Variants in TMEM144 observed in about 807,000 individuals in gnomAD.
TMEM144 encodes the protein transmembrane protein 144.
Under a neutral mutation model 43.6 loss-of-function variants are expected in TMEM144, and 39 were observed. The observed-to-expected ratio is 0.90, with a 90% confidence interval of 0.69 to 1.17. The LOEUF (loss-of-function observed/expected upper bound fraction) is 1.17, where lower values mean the gene tolerates loss of function less well. TMEM144 is among the 50% of genes most tolerant of loss of function. The pLI, the probability that TMEM144 is intolerant of heterozygous loss-of-function variation, is 0.00. For synonymous variants in TMEM144, 154 were observed against 133.6 expected (o/e 1.15, Z -1.06); for missense variants, 417 against 411.9 (o/e 1.01, Z -0.11).
chr4:158,214,024 CTTTTTAT>C (rs1401558660), intron 3 of TMEM144: 6 of 152,094 alleles, frequency 3.9e-5, no homozygotes, highest in Non-Finnish European at 1.5e-5. Flanking sequence ...TGATTCTACT[CTTTTTAT>C]TTTTTATTTT....
chr4:158,221,947 T>C (rs1007565869), intron 6 of TMEM144, among the ~76,000 whole-genome samples: 1 of 152,220 alleles, frequency 6.6e-6, no homozygotes, highest in East Asian at 1.9e-4. Context: ...GAATTACTTT[T>C]CTTACTGGAC....
Position 158,220,150 on chromosome 4 carries a change from T to G in TMEM144, c.413+760T>G, listed in dbSNP as rs553166339. On this transcript the variant is annotated intron_variant, in intron 6 of 12. Coordinates refer to ENST00000296529, the MANE Select transcript of TMEM144 (RefSeq NM_018342.5). ...TAGGGAAAGAACAGTATATTTGCCT[T>G]CCTTCAGCAATGATGGCTTTTCCCC... is the stretch of plus-strand genomic sequence containing the variant. Among the ~76,000 whole-genome samples, 4 of 152,336 alleles carry G rather than the reference T, an allele frequency of 2.6e-5. No individual in the cohort carries two copies. In the South Asian group the frequency reaches 8.3e-4, roughly 32 times the overall value.
intron 6 of TMEM144, among the ~76,000 whole-genome samples, chr4:158,231,434 G>A (rs908930693): frequency 6.6e-6 from 1 of 151,988 alleles, no homozygotes; most frequent in African/African-American, 2.4e-5. Context: ...CGTAATTTGG[G>A]GTATCATTTT....
At chr4:158,245,256 GTGTGTGTA>G (rs780793039) in intron 12 of TMEM144, among the ~76,000 whole-genome samples, 10,670 of 95,632 alleles carry the variant, frequency 0.11, 602 homozygotes, top group African/African-American at 0.26. Flanking sequence ...GTGTGTGTGT[GTGTGTGTA>G]TGTATGTTTT....
chr4:158,210,720 C>A (rs1733915658), intron 1 of TMEM144, 134 bp downstream of exon 1: 2 of 152,182 alleles, frequency 1.3e-5, no homozygotes, highest in South Asian at 4.1e-4. Flanking sequence ...TTAATTTTAG[C>A]CCAAAGACAG....
In TMEM144 at chr4:158,217,485, T is replaced by C. The variant is rs1055415945; in HGVS notation, c.332+65T>C. On this transcript the variant is annotated intron_variant, in intron 5 of 12. Coordinates refer to ENST00000296529, the MANE Select transcript of TMEM144 (RefSeq NM_018342.5). The stretch of plus-strand genomic sequence containing the variant: ...TCCATATTCTATGTAAAGCAAGTGA[T>C]TACCGAGAGGAATAACATATGATTC... 16 of 1,147,458 alleles carry C rather than the reference T, an allele frequency of 1.4e-5. No homozygotes were observed. The South Asian group carries it at 1.9e-4, about 14-fold the overall frequency. 71.1% of individuals were successfully genotyped at this position (1,147,458 alleles called of 1,614,324 possible).
chr4:158,253,404 C>G, intron 12 of TMEM144, 40 bp from the exon 13 acceptor site: 3 of 1,507,244 alleles, frequency 2.0e-6, no homozygotes, highest in Non-Finnish European at 2.8e-6. Flanking sequence ...GTAATTGATT[C>G]AGGCCTTATT....
At chr4:158,237,814 A>G (rs1302499477) in intron 9 of TMEM144, among the ~76,000 whole-genome samples, 171 bp downstream of exon 9, 3 of 152,212 alleles carry the variant, frequency 2.0e-5, no homozygotes, top group Non-Finnish European at 4.4e-5. Flanking sequence ...GCATTTTCAT[A>G]TGATCTTTAA....
intron 11 of TMEM144, 31 bp from the exon 12 acceptor site, chr4:158,244,264 CA>C: frequency 6.8e-7 from 1 of 1,466,450 alleles, no homozygotes; most frequent in Non-Finnish European, 9.3e-7. Flanking sequence ...GGTAAATATC[CA>C]ATTTAATTAA....
intron 9 of TMEM144, among the ~76,000 whole-genome samples, chr4:158,238,259 A>T (rs1394026133): frequency 6.6e-6 from 1 of 152,226 alleles, no homozygotes; most frequent in Admixed American, 6.5e-5. Flanking sequence ...AGAGAATAAG[A>T]TCATTCATAA....
At position 158,240,373 on chromosome 4, in the gene TMEM144, G is replaced by C; in HGVS notation, c.757G>C (p.Ala253Pro). Residue 253 changes from alanine (A) to proline (P), a missense_variant, in exon 10 of 13, where the codon GCC (alanine) becomes CCC (proline). Coordinates refer to ENST00000296529, the MANE Select transcript of TMEM144 (RefSeq NM_018342.5). ...TGTCTACTTTCTGGCCTACTGCATAGCCATGAAAAATAGTCCTAAACTATA... is the reference window on the plus strand; with the variant it reads ...TGTCTACTTTCTGGCCTACTGCATACCCATGAAAAATAGTCCTAAACTATA... ...STVYFLAYCI[A>P]MKNSPKLYPE... 1.2e-6 allele frequency: 2 copies of C among 1,613,796 alleles called. No individual in the cohort carries two copies. Among genetic ancestry groups the C allele is most frequent in the Non-Finnish European group, 1.7e-6 (2 of 1,179,902 alleles).
chr4:158,243,549 T>A (rs1361689388), intron 11 of TMEM144, among the ~76,000 whole-genome samples: 2 of 152,180 alleles, frequency 1.3e-5, no homozygotes, highest in Non-Finnish European at 2.9e-5. Context: ...CTAGCCCGCA[T>A]TCCAATTTTC....
intron 9 of TMEM144, 122 bp from the exon 10 acceptor site, chr4:158,240,177 G>T (rs926380320): frequency 3.4e-6 from 4 of 1,181,330 alleles, no homozygotes; most frequent in Middle Eastern, 2.5e-4. Flanking sequence ...GAGCCACTGC[G>T]CTCTGCCTAA....
At chr4:158,225,154 AG>A (rs1244730868) in intron 6 of TMEM144, among the ~76,000 whole-genome samples, 6 of 152,228 alleles carry the variant, frequency 3.9e-5, no homozygotes, top group Non-Finnish European at 8.8e-5. Context: ...TTGTGCTAAC[AG>A]GGCCATTGCT....
rs541123997 is a variant in TMEM144 at position 158,225,211 on chromosome 4, A to C, written c.413+5821A>C. Reference sequence around the variant, plus strand: ...GGGCCAGCCTTTGGAAACCCTGTCTAGTTGTTTTTTTTAGAGATAGGCCAC... The same window carrying C: ...GGGCCAGCCTTTGGAAACCCTGTCTCGTTGTTTTTTTTAGAGATAGGCCAC... On this transcript the variant is annotated intron_variant, in intron 6 of 12. Coordinates refer to ENST00000296529, the MANE Select transcript of TMEM144 (RefSeq NM_018342.5). Among the ~76,000 whole-genome samples the C allele has an allele frequency of 4.6e-5, 7 of 152,288 alleles. No individual in the cohort carries two copies. The South Asian group carries it at 1.5e-3, about 32-fold the overall frequency.
At chr4:158,246,343 T>C (rs1336744931) in intron 12 of TMEM144, among the ~76,000 whole-genome samples, 2 of 152,198 alleles carry the variant, frequency 1.3e-5, no homozygotes, top group Non-Finnish European at 2.9e-5. Flanking sequence ...GAGATTGATG[T>C]TGCTAATCTC....
chr4:158,235,591 G>A, intron 8 of TMEM144, 86 bp downstream of exon 8: 3 of 1,341,408 alleles, frequency 2.2e-6, no homozygotes, highest in Non-Finnish European at 3.0e-6. Context: ...ATGTTCATCT[G>A]AGTTCAAGAA....
chr4:158,249,934 T>TGTGTA, intron 12 of TMEM144, among the ~76,000 whole-genome samples: 1 of 87,814 alleles, frequency 1.1e-5, no homozygotes, highest in African/African-American at 3.8e-5. Flanking sequence ...GTGTGTGTGT[T>TGTGTA]TAAATAAGCT....
At chr4:158,236,679 T>C (rs1475865678) in intron 8 of TMEM144, among the ~76,000 whole-genome samples, 2 of 152,130 alleles carry the variant, frequency 1.3e-5, no homozygotes, top group African/African-American at 4.8e-5. Flanking sequence ...GAAGGGTTTT[T>C]TGTGTGATTT....
Sources: allele counts gnomAD v4.1 joint callset (sites outside exome capture counted in the v4.1 genomes callset), GRCh38; gene constraint gnomAD v4.1.1; transcripts MANE v1.5; gene names NCBI Gene and HGNC (gene_info 2026-07-23, HGNC 2026-07-21).